REPS1: variants seen among roughly 807,000 people sequenced by gnomAD.
REPS1 encodes the protein RALBP1 associated Eps domain containing 1, also known as ralBP1-associated Eps domain-containing protein 1.
A neutral mutation model predicts 100.9 loss-of-function variants in REPS1; 39 were observed. That is an observed-to-expected ratio of 0.39 (90% CI 0.30 to 0.50). REPS1 has a LOEUF of 0.50. Among genes scored for constraint, REPS1 ranks in the 20% least tolerant of loss-of-function variants. The pLI is 0.86. For missense variants in REPS1, 821 were observed against 968.5 expected, an observed-to-expected ratio of 0.85 and a Z score of 2.02; for synonymous variants, 324 against 340.3, an observed-to-expected ratio of 0.95 and a Z score of 0.53.
chr6:138,933,620 G>A lies in REPS1; in HGVS notation c.1136-3522C>T, dbSNP rs891735314. ...ATGTGGAAGCAAATATGACAATTTC[G>A]TTGTCTTCTATTAAGACAGATGTAA... On this transcript the variant is annotated intron_variant, in intron 8 of 19. Coordinates refer to ENST00000450536, the MANE Select transcript of REPS1 (RefSeq NM_001286611.2). 1.1e-4 allele frequency among the ~76,000 whole-genome samples: 16 copies of A among 152,148 alleles called. No homozygotes were observed. The South Asian group carries it at 2.5e-3, about 24-fold the overall frequency.
At chr6:138,935,355 G>T (rs572932589) in intron 8 of REPS1, among the ~76,000 whole-genome samples, 3 of 152,214 alleles carry the variant, frequency 2.0e-5, no homozygotes, top group African/African-American at 7.2e-5. Flanking sequence ...CTCAACATCT[G>T]ACTCAATTAT....
At chr6:138,985,974 T>C (rs1464516251) in intron 1 of REPS1, among the ~76,000 whole-genome samples, 1 of 152,228 alleles carries the variant, frequency 6.6e-6, no homozygotes, top group Admixed American at 6.5e-5. Flanking sequence ...CTTTGTTATT[T>C]CTTCAAAAGG....
chr6:138,938,303 T>TA (rs1487598110), intron 8 of REPS1, among the ~76,000 whole-genome samples: 6 of 152,208 alleles, frequency 3.9e-5, no homozygotes, highest in Admixed American at 2.6e-4. Flanking sequence ...TGCATGCCTA[T>TA]AGAAAGCCTA....
intron 1 of REPS1, among the ~76,000 whole-genome samples, chr6:138,954,730 A>C (rs534721670): frequency 6.6e-6 from 1 of 152,208 alleles, no homozygotes. Context: ...TACATAAGAC[A>C]GGTAACTTTT....
chr6:138,981,961 CAG>C (rs1355882763), intron 1 of REPS1, among the ~76,000 whole-genome samples: 1 of 151,706 alleles, frequency 6.6e-6, no homozygotes, highest in Non-Finnish European at 1.5e-5. Flanking sequence ...CTCAAGAAGA[CAG>C]AAATTTTAAA....
At chr6:138,950,216 G>A (rs1782925562) in intron 1 of REPS1, among the ~76,000 whole-genome samples, 1 of 152,142 alleles carries the variant, frequency 6.6e-6, no homozygotes, top group East Asian at 1.9e-4. Context: ...GTTCATGCCT[G>A]TAATTGCAAC....
Position 138,907,487 on chromosome 6 carries a change from T to C in REPS1, c.2322+8A>G, listed in dbSNP as rs752293880. The C allele has an allele frequency of 9.7e-5, 155 of 1,591,608 alleles. No individual in the cohort carries two copies. Among genetic ancestry groups the C allele is most frequent in the Non-Finnish European group, 1.5e-5 (17 of 1,160,158 alleles). ...AGGAACATTATAAAGATTCAGAAAC[T>C]ATATTACCTTTAATTGTTGCTGCAA... On this transcript the variant is annotated splice_region_variant and intron_variant, in intron 19 of 19. Coordinates refer to ENST00000450536, the MANE Select transcript of REPS1 (RefSeq NM_001286611.2).
intron 1 of REPS1, among the ~76,000 whole-genome samples, chr6:138,985,063 C>T (rs780150965): frequency 1.5e-4 from 23 of 152,166 alleles, no homozygotes; most frequent in South Asian, 4.1e-4. Flanking sequence ...GCTGAAATAT[C>T]GTTATCTGCT....
chr6:138,962,882 T>C (rs974027762), intron 1 of REPS1, among the ~76,000 whole-genome samples: 24 of 152,316 alleles, frequency 1.6e-4, no homozygotes, highest in Non-Finnish European at 3.1e-4. Context: ...ATGTTATTTA[T>C]GATTAATTTT....
intron 1 of REPS1, among the ~76,000 whole-genome samples, chr6:138,961,153 CAA>C (rs1450325154): frequency 1.5e-4 from 23 of 152,186 alleles, no homozygotes; most frequent in African/African-American, 4.8e-4. Context: ...ATTATGGAAC[CAA>C]AGTGTTTTAT....
chr6:138,918,623 C>T (rs913636704), intron 12 of REPS1, among the ~76,000 whole-genome samples: 2 of 151,866 alleles, frequency 1.3e-5, no homozygotes, highest in Non-Finnish European at 2.9e-5. Context: ...ACAAAAAGGT[C>T]GCTTTTAAAG....
At chr6:138,926,691 A>C in intron 9 of REPS1, 1 of 515,410 alleles carries the variant, frequency 1.9e-6, no homozygotes, top group Non-Finnish European at 3.5e-6. Context: ...AATCAAAAGT[A>C]TAGTAATGAT....
At chr6:138,925,162 A>G (rs1241650159) in intron 10 of REPS1, among the ~76,000 whole-genome samples, 2 of 149,564 alleles carry the variant, frequency 1.3e-5, no homozygotes, top group African/African-American at 4.9e-5. Context: ...CCTGGCCAAC[A>G]TGGTGAAACC....
chr6:138,985,791 C>T (rs1369580030), intron 1 of REPS1, among the ~76,000 whole-genome samples: 2 of 152,172 alleles, frequency 1.3e-5, no homozygotes. Context: ...AGTAAAGATT[C>T]ATTAATGCTA....
chr6:138,931,943 T>C (rs1781507513), intron 8 of REPS1, among the ~76,000 whole-genome samples: 1 of 152,178 alleles, frequency 6.6e-6, no homozygotes, highest in Non-Finnish European at 1.5e-5. Context: ...ATTAAAACAG[T>C]ATTAACTACA....
rs779397090 is a variant in REPS1, at chr6:138,944,607, T to C, written c.644A>G (p.Asp215Gly). Residue 215 changes from aspartate to glycine, a missense_variant, in exon 5 of 20, where the codon GAT becomes GGT. By Grantham distance (94) the Asp-to-Gly change is moderately conservative. Coordinates refer to ENST00000450536, the MANE Select transcript of REPS1 (RefSeq NM_001286611.2). ...GEAQSGSSAG[D>G]AVWSGHSPPP... Reference sequence around the variant, plus strand: ...TGGGGAATGCCCTGACCACACTGCATCACCAGCAGAAGAACCTATAAGGAG... The same window carrying C: ...TGGGGAATGCCCTGACCACACTGCACCACCAGCAGAAGAACCTATAAGGAG... 9 of 1,613,568 alleles carry C rather than the reference T, an allele frequency of 5.6e-6. No individual in the cohort carries two copies. In the East Asian group the frequency reaches 1.8e-4, roughly 32 times the overall value.
chr6:138,987,901 C>T lies in REPS1; in HGVS notation c.-219G>A, dbSNP rs187862166. The stretch of plus-strand genomic sequence containing the variant: ...CTCGCCGCGCCGCTGCCTGCGAGGC[C>T]CGGCGCGCGGCTGCGGCTGCGGCTG... On this transcript the variant is annotated 5_prime_UTR_variant, in exon 1 of 20. Transcript: ENST00000450536. 3 of 414,110 alleles carry T rather than the reference C, an allele frequency of 7.2e-6. No homozygotes were observed. Among genetic ancestry groups the T allele is most frequent in the African/African-American group, 4.2e-5 (2 of 48,176 alleles). 25.7% of individuals were successfully genotyped at this position (414,110 alleles called of 1,614,324 possible).
intron 8 of REPS1, among the ~76,000 whole-genome samples, chr6:138,930,404 G>A (rs1781416948): frequency 6.6e-6 from 1 of 152,136 alleles, no homozygotes; most frequent in Admixed American, 6.5e-5. Context: ...AACAGAAATA[G>A]ATTTATACCA....
rs1235009273 is a variant in REPS1 at position 138,931,694 on chromosome 6, T to C, written c.1136-1596A>G. ...TATGAAGACCTCAACTCAAAGTTCTTAGAGAAGAACTTATGAAAAAATTAT... is the reference window on the plus strand; with the variant it reads ...TATGAAGACCTCAACTCAAAGTTCTCAGAGAAGAACTTATGAAAAAATTAT... On this transcript the variant is annotated intron_variant, in intron 8 of 19. Transcript: ENST00000450536. Among the ~76,000 whole-genome samples, 4 of 152,126 alleles carry C rather than the reference T, an allele frequency of 2.6e-5. No individual in the cohort carries two copies. In the East Asian group the frequency reaches 5.8e-4, roughly 22 times the overall value.
Sources: gnomAD v4.1 joint callset for allele counts (sites outside exome capture counted in the v4.1 genomes callset) on GRCh38, gnomAD v4.1.1 for gene constraint, MANE v1.5 for transcripts, NCBI Gene and HGNC (gene_info 2026-07-23, HGNC 2026-07-21) for gene names.